WNT3: variants seen among roughly 807,000 people sequenced by gnomAD.
WNT3 encodes the protein Wnt family member 3.
WNT3 carries 7 observed loss-of-function variants against 34.2 expected under a neutral mutation model. The observed-to-expected ratio is 0.20, with a 90% confidence interval of 0.12 to 0.38. The LOEUF (loss-of-function observed/expected upper bound fraction) is 0.38, where lower values mean the gene tolerates loss of function less well. Among genes scored for constraint, WNT3 ranks in the 10% least tolerant of loss-of-function variants. WNT3 has a pLI of 1.00. For missense variants in WNT3, 267 were observed against 499.8 expected (o/e 0.53, Z 4.44); for synonymous variants, 212 against 211.5 (o/e 1.00, Z -0.02).
chr17:46,794,403 G>C (rs946417931), intron 1 of WNT3, among the ~76,000 whole-genome samples: 23 of 152,144 alleles, frequency 1.5e-4, no homozygotes, highest in African/African-American at 5.6e-4. Flanking sequence ...CCCCCGACAG[G>C]ACCTGTCAGA....
chr17:46,816,416 A>C (rs1239289337), intron 1 of WNT3, among the ~76,000 whole-genome samples: 2 of 150,110 alleles, frequency 1.3e-5, no homozygotes, highest in East Asian at 2.0e-4. Flanking sequence ...ACACTTTTGC[A>C]CACAGAGACA....
chr17:46,814,575 C>A lies in WNT3; in HGVS notation c.80+3943G>T, dbSNP rs1012097763. Among the ~76,000 whole-genome samples, 3 of 152,232 alleles carry A rather than the reference C, an allele frequency of 2.0e-5. No homozygotes were observed. In the South Asian group the frequency reaches 6.2e-4, roughly 32 times the overall value. On this transcript the variant is annotated intron_variant, in intron 1 of 4. Coordinates refer to ENST00000225512, the MANE Select transcript of WNT3 (RefSeq NM_030753.5). The stretch of plus-strand genomic sequence containing the variant: ...GCCTGGCCATCCGATCTGGTATCTG[C>A]CCATCTGTCTGTCTGTCTGTCTGTC...
At chr17:46,784,558 A>G (rs1326085066) in intron 1 of WNT3, among the ~76,000 whole-genome samples, 2 of 152,182 alleles carry the variant, frequency 1.3e-5, no homozygotes, top group Non-Finnish European at 2.9e-5. Flanking sequence ...AGGGGCAGCC[A>G]GCCCAGCTTC....
Position 46,773,880 on chromosome 17 carries a change from G to T in WNT3, c.110C>A (p.Ser37Tyr), listed in dbSNP as rs939134415. 1.9e-6 allele frequency: 3 copies of T among 1,612,312 alleles called. No individual in the cohort carries two copies. The highest frequency in any genetic ancestry group is 2.7e-5 in the African/African-American group (2 of 74,920). The change falls in exon 2 of 5, where the codon TCT becomes TAT. Residue 37 changes from serine to tyrosine, a missense_variant. By Grantham distance (144) the Ser-to-Tyr change is moderately radical. Coordinates refer to ENST00000225512, the MANE Select transcript of WNT3 (RefSeq NM_030753.5). Reference protein sequence around the residue: ...WSLALGQQYTSLGSQPLLCGS... With the variant: ...WSLALGQQYTYLGSQPLLCGS... Reference sequence around the variant, plus strand: ...GCAGAGCAGGGGCTGTGAGCCCAGAGATGTGTACTGCTGGCCCAGGGCCAG... The same window carrying T: ...GCAGAGCAGGGGCTGTGAGCCCAGATATGTGTACTGCTGGCCCAGGGCCAG...
At chr17:46,788,237 T>G (rs199498) in intron 1 of WNT3, among the ~76,000 whole-genome samples, 10 of 152,114 alleles carry the variant, frequency 6.6e-5, no homozygotes, top group East Asian at 1.9e-4. Flanking sequence ...CTAATTCAAA[T>G]TTTTCCTAAG....
Position 46,768,356 on chromosome 17 carries a change from C to T in WNT3, c.1032G>A (p.Glu344=). 1 of 1,613,832 alleles carries T rather than the reference C, an allele frequency of 6.2e-7. No homozygotes were observed. Among genetic ancestry groups the T allele is most frequent in the South Asian group, 1.1e-5 (1 of 91,088 alleles). The part of the protein sequence containing the change: ...FHWCCYVSCQ[E]CIRIYDVHTC... ...TGTGCACGTCGTAGATGCGAATACA[C>T]TCCTGGCAGCTGACGTAGCAGCACC... Residue 344 remains glutamate (E), a synonymous_variant, in exon 4 of 5, where the codon GAG becomes GAA. Transcript: ENST00000225512. The surrounding 1 kb of genome is among the most constrained non-coding windows in gnomAD (Gnocchi z 5.0).
chr17:46,790,402 A>G (rs933352012), intron 1 of WNT3, among the ~76,000 whole-genome samples: 3 of 152,038 alleles, frequency 2.0e-5, no homozygotes, highest in African/African-American at 7.2e-5. Context: ...CCCCCTGCAG[A>G]GAAAGGGATT....
chr17:46,780,401 T>A (rs2059450472), intron 1 of WNT3, among the ~76,000 whole-genome samples: 1 of 152,136 alleles, frequency 6.6e-6, no homozygotes, highest in African/African-American at 2.4e-5. Context: ...ATACAGAACA[T>A]ATGAAAAGAG....
At chr17:46,794,556 C>G (rs2084028072) in intron 1 of WNT3, among the ~76,000 whole-genome samples, 1 of 152,072 alleles carries the variant, frequency 6.6e-6, no homozygotes, top group Non-Finnish European at 1.5e-5. Context: ...CCTTTGTTTG[C>G]AGAACACACT....
At chr17:46,800,422 T>C (rs2146441603) in intron 1 of WNT3, among the ~76,000 whole-genome samples, 1 of 152,324 alleles carries the variant, frequency 6.6e-6, no homozygotes, top group African/African-American at 2.4e-5. Flanking sequence ...GATAACAGAA[T>C]TCCTAACTGT....
At chr17:46,797,083 C>T (rs959008880) in intron 1 of WNT3, among the ~76,000 whole-genome samples, 3 of 152,220 alleles carry the variant, frequency 2.0e-5, no homozygotes, top group African/African-American at 7.2e-5. Context: ...ACGGGTCACA[C>T]TGGCAGGACC....
rs547052640 is a variant in WNT3, at chr17:46,764,079, T to G, written c.*551A>C. On this transcript the variant is annotated 3_prime_UTR_variant, in exon 5 of 5. Transcript: ENST00000225512. ...GACCTTCCTACCACTTCATCCTAGC[T>G]AAACCTATGGCTTTTATCAGAATGA... 6.6e-6 allele frequency: 1 copy of G among 152,182 alleles called. No individual in the cohort carries two copies. Among genetic ancestry groups the G allele is most frequent in the Non-Finnish European group, 1.5e-5 (1 of 68,038 alleles). The allele number at this position is 152,182 out of a possible 1,614,324, so 9.4% of individuals were successfully genotyped here. A position where few individuals can be genotyped will look rare whatever the true frequency, so the allele number is the denominator to read the frequency against.
chr17:46,767,861 T>A (rs1397211795), intron 4 of WNT3, among the ~76,000 whole-genome samples: 6 of 152,126 alleles, frequency 3.9e-5, no homozygotes, highest in Non-Finnish European at 8.8e-5. Flanking sequence ...CAATCTCAGT[T>A]CATTGCAACC....
At chr17:46,797,186 G>C (rs560681096) in intron 1 of WNT3, among the ~76,000 whole-genome samples, 2 of 152,192 alleles carry the variant, frequency 1.3e-5, no homozygotes, top group Admixed American at 6.5e-5. Context: ...CGATTCTTAA[G>C]TTTATTTGAC....
chr17:46,784,301 G>A (rs1010026490), intron 1 of WNT3, among the ~76,000 whole-genome samples: 1 of 152,184 alleles, frequency 6.6e-6, no homozygotes, highest in African/African-American at 2.4e-5. Context: ...GCAGCTTTGG[G>A]AACAAGACGA....
chr17:46,764,458 C>G lies in WNT3; in HGVS notation c.*172G>C, dbSNP rs945883712. ...AATGTAAGATGAGAGAGAGGGAGAG[C>G]CTCCCCGTCCACAGGCGAGTTGGGT... On this transcript the variant is annotated 3_prime_UTR_variant, in exon 5 of 5. Coordinates refer to ENST00000225512, the MANE Select transcript of WNT3 (RefSeq NM_030753.5). The G allele has an allele frequency of 6.6e-6, 1 of 152,360 alleles. No homozygotes were observed. The highest frequency in any genetic ancestry group is 1.5e-5 in the Non-Finnish European group (1 of 68,066). The allele number at this position is 152,360 out of a possible 1,614,324, so 9.4% of individuals were successfully genotyped here. A position where few individuals can be genotyped will look rare whatever the true frequency, so the allele number is the denominator to read the frequency against.
intron 1 of WNT3, among the ~76,000 whole-genome samples, chr17:46,810,242 A>T (rs1034133282): frequency 1.3e-5 from 2 of 152,070 alleles, no homozygotes; most frequent in African/African-American, 2.4e-5. Context: ...TCCTGACCTC[A>T]GGTGATCCAC....
chr17:46,789,897 T>C (rs926142234), intron 1 of WNT3, among the ~76,000 whole-genome samples: 43 of 152,200 alleles, frequency 2.8e-4, no homozygotes, highest in Admixed American at 1.4e-3. Context: ...GATTCCACTC[T>C]CTACCTTTCA....
rs1375258413 is a variant in WNT3, at chr17:46,763,837, AAAAAAAAAACAAAAAAAC to A, written c.*775_*792del. ...TTACAAGGTCCACTACCACCAAAAA[AAAAAAAAAACAAAAAAAC>A]AAAAAAAAAACTGCATTGACGGTGG... is the stretch of plus-strand genomic sequence containing the variant. On this transcript the variant is annotated 3_prime_UTR_variant, in exon 5 of 5. Transcript: ENST00000225512. 2.1e-5 allele frequency: 3 copies of A among 143,582 alleles called. No homozygotes were observed. The highest frequency in any genetic ancestry group is 4.4e-5 in the Non-Finnish European group (3 of 67,620). 8.9% of individuals were successfully genotyped at this position (143,582 alleles called of 1,614,324 possible).
Sources: allele counts gnomAD v4.1 joint callset (sites outside exome capture counted in the v4.1 genomes callset), GRCh38; gene constraint gnomAD v4.1.1; non-coding constraint Gnocchi (gnomAD v3.1); transcripts MANE v1.5; gene names NCBI Gene and HGNC (gene_info 2026-07-23, HGNC 2026-07-21).